Variants in PHF2 observed in about 807,000 individuals in gnomAD.
PHF2 encodes the protein PHD finger protein 2, also known as lysine-specific demethylase PHF2.
In PHF2, 27 loss-of-function variants were observed where a neutral mutation model predicts 120.5. The observed-to-expected ratio is 0.22, with a 90% CI of 0.17 to 0.31. The LOEUF (loss-of-function observed/expected upper bound fraction) is 0.31. Among genes scored for constraint, PHF2 ranks in the 10% least tolerant of loss-of-function variants. The probability of loss-of-function intolerance (pLI) is 1.00; values close to 1 mark genes in which losing one functional copy is unlikely to be tolerated. For missense variants in PHF2, 1,024 were observed against 1,434.8 expected, an observed-to-expected ratio of 0.71 and a Z score of 4.63; for synonymous variants, 568 against 592.5, an observed-to-expected ratio of 0.96 and a Z score of 0.60.
intron 12 of PHF2, among the ~76,000 whole-genome samples, chr9:93,660,806 C>G (rs1427137885): frequency 6.6e-6 from 1 of 152,232 alleles, no homozygotes; most frequent in Non-Finnish European, 1.5e-5. Context: ...CTTTGCCCAA[C>G]AAGCCACAGA....
intron 1 of PHF2, among the ~76,000 whole-genome samples, chr9:93,601,841 GGGA>G (rs1825443831): frequency 2.0e-5 from 3 of 152,120 alleles, no homozygotes; most frequent in Admixed American, 2.0e-4. Flanking sequence ...GACAAGCAAT[GGGA>G]GGAGGCTTGT....
intron 1 of PHF2, among the ~76,000 whole-genome samples, chr9:93,616,940 G>T (rs1272219649): frequency 6.6e-6 from 1 of 152,152 alleles, no homozygotes; most frequent in African/African-American, 2.4e-5. Context: ...ACAGGTATGA[G>T]CCACTGCACC....
chr9:93,675,668 T>C lies in PHF2; in HGVS notation c.2723-12T>C. 6.2e-7 allele frequency: 1 copy of C among 1,605,922 alleles called. No homozygotes were observed. Among genetic ancestry groups the C allele is most frequent in the Non-Finnish European group, 8.5e-7 (1 of 1,174,334 alleles). ...CCTACAGCTTGAGGGGGCTGGCCCTTCTTTTCCACAGCAAGGGTCGGCCCA... is the reference window on the plus strand; with the variant it reads ...CCTACAGCTTGAGGGGGCTGGCCCTCCTTTTCCACAGCAAGGGTCGGCCCA... On this transcript the variant is annotated splice_polypyrimidine_tract_variant and intron_variant, in intron 19 of 21. Transcript: ENST00000359246.
chr9:93,617,590 C>G (rs990860512), intron 1 of PHF2, among the ~76,000 whole-genome samples: 4 of 152,130 alleles, frequency 2.6e-5, no homozygotes, highest in African/African-American at 7.2e-5. Flanking sequence ...TTTTTCTTGG[C>G]CGTTTCCTGT....
At chr9:93,663,707 C>G in intron 14 of PHF2, 72 bp downstream of exon 14, 1 of 813,616 alleles carries the variant, frequency 1.2e-6, no homozygotes, top group Non-Finnish European at 2.1e-6. Context: ...CATACTGCAT[C>G]ACACCCACTG....
intron 16 of PHF2, 99 bp from the exon 17 acceptor site, chr9:93,666,981 G>C: frequency 1.3e-6 from 1 of 755,432 alleles, no homozygotes; most frequent in Non-Finnish European, 2.0e-6. Flanking sequence ...TAAAAAACTA[G>C]TTTAGTCCCT....
chr9:93,658,930 C>T (rs1430345720), intron 10 of PHF2, among the ~76,000 whole-genome samples: 1 of 152,220 alleles, frequency 6.6e-6, no homozygotes, highest in Non-Finnish European at 1.5e-5. Flanking sequence ...CAGCCTCGAG[C>T]ACCCTCTGGG....
At chr9:93,624,734 A>C (rs1825882252) in intron 1 of PHF2, among the ~76,000 whole-genome samples, 1 of 144,226 alleles carries the variant, frequency 6.9e-6, no homozygotes, top group Non-Finnish European at 1.5e-5. Context: ...TGTGTTGGTG[A>C]TAGTGATGGT....
chr9:93,583,472 T>C (rs1862971591), intron 1 of PHF2, among the ~76,000 whole-genome samples: 1 of 152,256 alleles, frequency 6.6e-6, no homozygotes, highest in Non-Finnish European at 1.5e-5. Context: ...TGTTTAACTT[T>C]TTGAGTAACT....
At chr9:93,670,720 C>CT (rs938187190) in intron 17 of PHF2, among the ~76,000 whole-genome samples, 2 of 152,328 alleles carry the variant, frequency 1.3e-5, no homozygotes, top group South Asian at 4.1e-4. Context: ...TTTCACCACT[C>CT]TGTGAGCCTA....
chr9:93,615,876 A>G (rs1049541268), intron 1 of PHF2, among the ~76,000 whole-genome samples: 2 of 152,228 alleles, frequency 1.3e-5, no homozygotes, highest in Non-Finnish European at 1.5e-5. Flanking sequence ...ACCAGGACAC[A>G]GGAAAGCCAG....
chr9:93,654,666 T>G, intron 7 of PHF2, 91 bp downstream of exon 7: 1 of 1,268,008 alleles, frequency 7.9e-7, no homozygotes. Context: ...GTCCCCACCA[T>G]GGGGTCTCTT....
intron 17 of PHF2, 114 bp downstream of exon 17, chr9:93,667,354 G>C: frequency 7.7e-7 from 1 of 1,296,970 alleles, no homozygotes; most frequent in Non-Finnish European, 1.1e-6. Context: ...AGCCAGTGCT[G>C]AGCCGCCCCT....
chr9:93,663,216 C>A (rs1564399728), intron 13 of PHF2, among the ~76,000 whole-genome samples, 190 bp downstream of exon 13: 2 of 152,152 alleles, frequency 1.3e-5, no homozygotes, highest in African/African-American at 4.8e-5. Flanking sequence ...ACTACATCTT[C>A]CTCTGAGTTG....
At chr9:93,662,772 A>G (rs1826600664) in intron 12 of PHF2, 135 bp from the exon 13 acceptor site, 1 of 916,916 alleles carries the variant, frequency 1.1e-6, no homozygotes, top group South Asian at 1.6e-5. Flanking sequence ...GGGTGAATGG[A>G]TGCGTGGATG....
chr9:93,640,405 C>T (rs1312003926), intron 3 of PHF2, among the ~76,000 whole-genome samples: 6 of 151,984 alleles, frequency 3.9e-5, no homozygotes, highest in Non-Finnish European at 8.8e-5. Context: ...CTTTGTTCTG[C>T]TTGGATTTCA....
chr9:93,578,619 G>A (rs1862879002), intron 1 of PHF2, among the ~76,000 whole-genome samples: 1 of 152,204 alleles, frequency 6.6e-6, no homozygotes, highest in Non-Finnish European at 1.5e-5. Flanking sequence ...GAGAGAACGC[G>A]AGAAGACCTT....
chr9:93,670,853 G>A (rs1826768749), intron 17 of PHF2, among the ~76,000 whole-genome samples: 1 of 152,152 alleles, frequency 6.6e-6, no homozygotes, highest in Admixed American at 6.5e-5. Context: ...TGCGAGACAG[G>A]CTGGGCGCTA....
chr9:93,590,236 G>C (rs1825189704), intron 1 of PHF2, among the ~76,000 whole-genome samples: 1 of 152,214 alleles, frequency 6.6e-6, no homozygotes, highest in South Asian at 2.1e-4. Context: ...ATGGTTTAAT[G>C]TGCAGTTATC....
Sources: gnomAD v4.1 joint callset for allele counts (sites outside exome capture counted in the v4.1 genomes callset) on GRCh38, gnomAD v4.1.1 for gene constraint, MANE v1.5 for transcripts, NCBI Gene and HGNC (gene_info 2026-07-23, HGNC 2026-07-21) for gene names.